PDLIM5: variants seen among roughly 807,000 people sequenced by gnomAD.
PDLIM5 encodes the protein PDZ and LIM domain 5.
Under a neutral mutation model 64.2 loss-of-function variants are expected in PDLIM5, and 34 were observed. That is an observed-to-expected ratio of 0.53 (90% CI 0.40 to 0.71). PDLIM5 has a LOEUF of 0.71. Ranked by LOEUF, PDLIM5 falls within the 30% of genes least tolerant of loss-of-function variation. The probability of loss-of-function intolerance (pLI) is 0.00; values close to 1 mark genes in which losing one functional copy is unlikely to be tolerated. For synonymous variants in PDLIM5, 253 were observed against 269.1 expected, an observed-to-expected ratio of 0.94 and a Z score of 0.59; for missense variants, 683 against 733.6, an observed-to-expected ratio of 0.93 and a Z score of 0.80.
intron 12 of PDLIM5, among the ~76,000 whole-genome samples, chr4:94,663,606 TC>T (rs1340944395): frequency 6.6e-6 from 1 of 151,992 alleles, no homozygotes; most frequent in African/African-American, 2.4e-5. Context: ...AGCAAATGAG[TC>T]TCTACAACAC....
intron 3 of PDLIM5, among the ~76,000 whole-genome samples, chr4:94,542,259 C>T (rs1000585168): frequency 1.9e-4 from 29 of 151,342 alleles, no homozygotes; most frequent in Non-Finnish European, 2.9e-5. Context: ...TTGCAGTGAG[C>T]CGAGATCATG....
chr4:94,589,455 G>T (rs373853157), intron 7 of PDLIM5, among the ~76,000 whole-genome samples: 28 of 152,266 alleles, frequency 1.8e-4, no homozygotes, highest in African/African-American at 6.3e-4. Context: ...ATTCAGCCAG[G>T]ATCATAAAGG....
chr4:94,456,336 T>A (rs1342006560), intron 2 of PDLIM5: 1 of 576,118 alleles, frequency 1.7e-6, no homozygotes, highest in Non-Finnish European at 3.1e-6. Flanking sequence ...GTAGCTGGGA[T>A]TACAGGCATG....
chr4:94,610,276 G>A (rs1400421587), intron 7 of PDLIM5: 1 of 1,517,474 alleles, frequency 6.6e-7, no homozygotes, highest in Non-Finnish European at 8.8e-7. Flanking sequence ...AGCTGCTACT[G>A]TGTCTGCTGT....
chr4:94,573,736 TAA>T (rs937390670), intron 4 of PDLIM5: 17 of 264,242 alleles, frequency 6.4e-5, no homozygotes, highest in African/African-American at 3.1e-4. Flanking sequence ...AATATCACAA[TAA>T]GTCTTTAATA....
chr4:94,541,301 GC>G (rs1236167162), intron 3 of PDLIM5, among the ~76,000 whole-genome samples: 1 of 152,160 alleles, frequency 6.6e-6, no homozygotes, highest in Admixed American at 6.5e-5. Context: ...AAGGCCAAAG[GC>G]CATTCCTCTT....
chr4:94,463,753 A>C (rs1468349239), intron 2 of PDLIM5, among the ~76,000 whole-genome samples: 1 of 152,226 alleles, frequency 6.6e-6, no homozygotes, highest in African/African-American at 2.4e-5. Context: ...TTTGAATTCT[A>C]GTCTTTAGCT....
intron 2 of PDLIM5, among the ~76,000 whole-genome samples, chr4:94,490,787 CT>C (rs1185799859): frequency 3.3e-5 from 5 of 152,100 alleles, no homozygotes; most frequent in African/African-American, 1.2e-4. Flanking sequence ...TTAAATAATA[CT>C]TTTAAATGAC....
chr4:94,588,551 G>A (rs1028788006), intron 7 of PDLIM5, among the ~76,000 whole-genome samples: 12 of 148,756 alleles, frequency 8.1e-5, no homozygotes, highest in Admixed American at 1.4e-4. Context: ...CAACAAGAGC[G>A]AAACTCCATC....
At chr4:94,464,891 A>G (rs1226400274) in intron 2 of PDLIM5, among the ~76,000 whole-genome samples, 2 of 152,222 alleles carry the variant, frequency 1.3e-5, no homozygotes, top group Non-Finnish European at 2.9e-5. Context: ...ATTCTCCTTC[A>G]GGCTGGTTCC....
chr4:94,520,898 A>G (rs1283951341), intron 2 of PDLIM5, among the ~76,000 whole-genome samples: 1 of 152,234 alleles, frequency 6.6e-6, no homozygotes, highest in African/African-American at 2.4e-5. Flanking sequence ...AAGATTGTTC[A>G]GATGTTGATG....
chr4:94,582,567 T>C, intron 5 of PDLIM5: 1 of 562,024 alleles, frequency 1.8e-6, no homozygotes, highest in Non-Finnish European at 3.2e-6. Context: ...GTGTAACATC[T>C]TCACTGAAAA....
At chr4:94,650,992 G>A (rs1268461634) in intron 9 of PDLIM5, among the ~76,000 whole-genome samples, 1 of 152,108 alleles carries the variant, frequency 6.6e-6, no homozygotes. Flanking sequence ...AGAGATAGCT[G>A]AATACTTAAT....
intron 2 of PDLIM5, among the ~76,000 whole-genome samples, chr4:94,504,868 C>T (rs1728249669): frequency 6.6e-6 from 1 of 152,144 alleles, no homozygotes; most frequent in African/African-American, 2.4e-5. Context: ...ATCTTTCTTT[C>T]TGGAACTTGC....
intron 2 of PDLIM5, among the ~76,000 whole-genome samples, chr4:94,504,892 G>A (rs536560513): frequency 1.3e-5 from 2 of 152,290 alleles, no homozygotes; most frequent in African/African-American, 4.8e-5. Context: ...CATAACCACT[G>A]TTCTTACTTA....
chr4:94,555,229 T>G (rs1363356719), intron 3 of PDLIM5, among the ~76,000 whole-genome samples: 1 of 72,540 alleles, frequency 1.4e-5, no homozygotes, highest in Non-Finnish European at 2.7e-5. Flanking sequence ...AATTTTTATA[T>G]TTTTAGTAGA....
intron 3 of PDLIM5, among the ~76,000 whole-genome samples, chr4:94,548,925 T>C (rs1162168246): frequency 2.0e-5 from 3 of 151,974 alleles, no homozygotes; most frequent in Non-Finnish European, 4.4e-5. Flanking sequence ...CCCTGTGCTT[T>C]CCATTGCCTT....
intron 3 of PDLIM5, among the ~76,000 whole-genome samples, chr4:94,531,185 T>C (rs542849693): frequency 6.6e-6 from 1 of 152,354 alleles, no homozygotes; most frequent in African/African-American, 2.4e-5. Context: ...ACTTCTTCTT[T>C]GCTTATTTGT....
chr4:94,456,269 G>T (rs1178048970), intron 2 of PDLIM5: 1 of 495,246 alleles, frequency 2.0e-6, no homozygotes, highest in African/African-American at 2.0e-5. Context: ...CGCAATCTCG[G>T]CTCACCACAA....
Sources: allele counts gnomAD v4.1 joint callset (sites outside exome capture counted in the v4.1 genomes callset), GRCh38; gene constraint gnomAD v4.1.1; transcripts MANE v1.5; gene names NCBI Gene and HGNC (gene_info 2026-07-23, HGNC 2026-07-21).